CNTNAP2: variants seen among roughly 807,000 people sequenced by gnomAD.
The protein encoded by CNTNAP2 is contactin-associated protein-like 2.
In CNTNAP2, 98 loss-of-function variants were observed where a neutral mutation model predicts 155.2. The observed-to-expected ratio is 0.63, with a 90% CI of 0.54 to 0.75. The LOEUF is 0.75. Among genes scored for constraint, CNTNAP2 ranks in the 30% least tolerant of loss-of-function variants. The pLI is 0.00. For missense variants in CNTNAP2, 1,727 were observed against 1,688.1 expected (o/e 1.02, Z -0.40); for synonymous variants, 651 against 631.2 (o/e 1.03, Z -0.47).
intron 13 of CNTNAP2, among the ~76,000 whole-genome samples, chr7:147,763,450 T>C (rs937411745): frequency 2.0e-5 from 3 of 148,962 alleles, no homozygotes; most frequent in East Asian, 2.0e-4. Context: ...GAAGTGGCAG[T>C]AGGAATTAGA....
rs148355806 is a variant in CNTNAP2 at position 146,528,379 on chromosome 7, G to A, written c.98-245892G>A. Among the ~76,000 whole-genome samples the A allele has an allele frequency of 3.4e-3, 524 of 152,194 alleles. 2 individuals carry two copies. Among genetic ancestry groups the A allele is most frequent in the South Asian group, 8.1e-3 (39 of 4,830 alleles). On this transcript the variant is annotated intron_variant, in intron 1 of 23. Coordinates refer to ENST00000361727, the MANE Select transcript of CNTNAP2 (RefSeq NM_014141.6). ...AACTGCAAAGCAGTGTAACACAGTC[G>A]CTATGATTGCTATGAAGGTTAAATG...
At chr7:148,137,669 AAAGG>A (rs35867113) in intron 16 of CNTNAP2, among the ~76,000 whole-genome samples, 22,579 of 107,360 alleles carry the variant, frequency 0.21, 2,451 homozygotes, top group Non-Finnish European at 0.24. Flanking sequence ...CTCAGAAAAA[AAAGG>A]AAGGAAGGAA....
At chr7:147,762,153 T>TCACACACACA (rs545084626) in intron 13 of CNTNAP2, among the ~76,000 whole-genome samples, 5 of 103,914 alleles carry the variant, frequency 4.8e-5, no homozygotes, top group African/African-American at 2.8e-4. Flanking sequence ...TCTCTCTCTG[T>TCACACACACA]CTCACACACA....
chr7:146,851,667 TG>T (rs1794881831), intron 3 of CNTNAP2, among the ~76,000 whole-genome samples: 2 of 74,478 alleles, frequency 2.7e-5, no homozygotes, highest in African/African-American at 8.3e-5. Flanking sequence ...TGTGTGTGTG[TG>T]TGTGTGTGTG....
At chr7:147,830,992 T>A (rs537576080) in intron 13 of CNTNAP2, among the ~76,000 whole-genome samples, 1 of 152,352 alleles carries the variant, frequency 6.6e-6, no homozygotes, top group African/African-American at 2.4e-5. Flanking sequence ...ATAGCCTTGC[T>A]ATCTATACAT....
At chr7:148,349,761 G>A (rs113335358) in intron 21 of CNTNAP2, among the ~76,000 whole-genome samples, 10 of 152,266 alleles carry the variant, frequency 6.6e-5, no homozygotes, top group African/African-American at 1.9e-4. Context: ...ATCCTGGACC[G>A]CATAAAGCCT....
intron 1 of CNTNAP2, among the ~76,000 whole-genome samples, chr7:146,615,600 C>A (rs575701395): frequency 1.3e-5 from 2 of 152,326 alleles, no homozygotes; most frequent in East Asian, 1.9e-4. Context: ...TGCATTCCAA[C>A]TGGAAGCACC....
At chr7:147,583,700 C>T (rs1240751363) in intron 12 of CNTNAP2, among the ~76,000 whole-genome samples, 1 of 151,882 alleles carries the variant, frequency 6.6e-6, no homozygotes, top group Non-Finnish European at 1.5e-5. Flanking sequence ...AAAGTACTCA[C>T]AGCATATTCT....
chr7:147,653,607 A>AG (rs920696402), intron 13 of CNTNAP2, among the ~76,000 whole-genome samples: 26 of 152,296 alleles, frequency 1.7e-4, no homozygotes, highest in Admixed American at 4.6e-4. Flanking sequence ...AAGAGGCACT[A>AG]GGGGAGGAAC....
chr7:148,118,950 C>T (rs905804854), intron 16 of CNTNAP2, among the ~76,000 whole-genome samples: 3 of 152,194 alleles, frequency 2.0e-5, no homozygotes, highest in African/African-American at 4.8e-5. Flanking sequence ...TGGGGAGCTC[C>T]GTCAGTGGAA....
rs925226993 is a variant in CNTNAP2, at chr7:146,760,636, G to T, written c.98-13635G>T. ...GATGGGTTTTCACCATGATGCCCAG[G>T]CTGGTCTCAAACTCCTGAGCTCAAG... On this transcript the variant is annotated intron_variant, in intron 1 of 23. Transcript: ENST00000361727. 3.3e-5 allele frequency among the ~76,000 whole-genome samples: 5 copies of T among 151,422 alleles called. No individual in the cohort carries two copies. The East Asian group carries it at 9.7e-4, about 29-fold the overall frequency.
At chr7:147,513,769 A>G (rs1032628525) in intron 11 of CNTNAP2, among the ~76,000 whole-genome samples, 2 of 152,118 alleles carry the variant, frequency 1.3e-5, no homozygotes, top group African/African-American at 2.4e-5. Flanking sequence ...CTCTATCTCT[A>G]CCTCTCATGT....
intron 3 of CNTNAP2, among the ~76,000 whole-genome samples, chr7:146,887,114 A>G (rs1345721981): frequency 6.6e-6 from 1 of 151,680 alleles, no homozygotes; most frequent in Non-Finnish European, 1.5e-5. Flanking sequence ...ATTTTTTTCT[A>G]TCTCAGATAT....
intron 4 of CNTNAP2, among the ~76,000 whole-genome samples, chr7:147,044,610 CT>C (rs1799323122): frequency 6.6e-6 from 1 of 152,112 alleles, no homozygotes; most frequent in African/African-American, 2.4e-5. Context: ...GTTATTTTCC[CT>C]TAAATATATT....
At chr7:146,861,892 A>G (rs1795109301) in intron 3 of CNTNAP2, among the ~76,000 whole-genome samples, 1 of 152,178 alleles carries the variant, frequency 6.6e-6, no homozygotes, top group African/African-American at 2.4e-5. Flanking sequence ...AATGCTTGAG[A>G]CCTTGGCAAC....
At chr7:147,888,773 A>T (rs2708253) in intron 13 of CNTNAP2, among the ~76,000 whole-genome samples, 10,305 of 150,744 alleles carry the variant, frequency 0.068, 659 homozygotes, top group African/African-American at 0.17. Flanking sequence ...CCAGAAAAAA[A>T]CACATATATA....
chr7:148,327,463 A>C (rs1797912957), intron 21 of CNTNAP2, among the ~76,000 whole-genome samples: 1 of 152,214 alleles, frequency 6.6e-6, no homozygotes, highest in African/African-American at 2.4e-5. Context: ...GTACTTAGAG[A>C]ATGCAACTAT....
Position 147,116,472 on chromosome 7 carries a change from T to A in CNTNAP2, c.755-4507T>A, listed in dbSNP as rs147527186. Among the ~76,000 whole-genome samples the A allele has an allele frequency of 5.0e-4, 76 of 152,186 alleles. 1 individual carries two copies. In the East Asian group the frequency reaches 0.014, roughly 27 times the overall value. ...GTGACCTGCCCCACCCTTCAGGCAC[T>A]TTGTCCCGTGGAGAACACAGGCAGG... On this transcript the variant is annotated intron_variant, in intron 5 of 23. Transcript: ENST00000361727.
chr7:147,243,914 G>GT (rs899337047), intron 8 of CNTNAP2, among the ~76,000 whole-genome samples: 1 of 151,898 alleles, frequency 6.6e-6, no homozygotes, highest in African/African-American at 2.4e-5. Flanking sequence ...TAATTATGGG[G>GT]TTTTTCCTCA....
Sources: allele counts gnomAD v4.1 joint callset (sites outside exome capture counted in the v4.1 genomes callset), GRCh38; gene constraint gnomAD v4.1.1; transcripts MANE v1.5; gene names NCBI Gene and HGNC (gene_info 2026-07-23, HGNC 2026-07-21).